RWDD1: variants seen among roughly 807,000 people sequenced by gnomAD.
RWDD1 encodes RWD domain-containing protein 1.
A neutral mutation model predicts 31.6 loss-of-function variants in RWDD1; 17 were observed. The observed-to-expected ratio is 0.54, with a 90% CI of 0.37 to 0.81. RWDD1 has a LOEUF of 0.81. RWDD1 is among the 30% of genes least tolerant of loss of function. The pLI is 0.00. For synonymous variants in RWDD1, 78 were observed against 94.2 expected (o/e 0.83, Z 0.99); for missense variants, 204 against 274.5 (o/e 0.74, Z 1.82).
chr6:116,591,776 A>G (rs1332089731), intron 6 of RWDD1, among the ~76,000 whole-genome samples: 1 of 152,228 alleles, frequency 6.6e-6, no homozygotes, highest in Non-Finnish European at 1.5e-5. Context: ...CTTTTGTTGT[A>G]TCTGTCTTGC....
rs145356364 is a variant in RWDD1, at chr6:116,573,231, A to T, written c.73+1576A>T. On this transcript the variant is annotated intron_variant, in intron 1 of 6. Coordinates refer to ENST00000466444, the MANE Select transcript of RWDD1 (RefSeq NM_015952.4). ...ATGCATATAAGCATTTATAAAACTGATATCTTTTTTTGTTTTTAACCCTGA... is the reference window on the plus strand; with the variant it reads ...ATGCATATAAGCATTTATAAAACTGTTATCTTTTTTTGTTTTTAACCCTGA... 2.2e-3 allele frequency among the ~76,000 whole-genome samples: 341 copies of T among 152,248 alleles called. 1 individual carries two copies. Among genetic ancestry groups the T allele is most frequent in the African/African-American group, 7.7e-3 (320 of 41,536 alleles).
At chr6:116,574,049 A>G (rs1774793157) in intron 1 of RWDD1, 1 of 944,972 alleles carries the variant, frequency 1.1e-6, no homozygotes, top group Admixed American at 6.2e-5. Context: ...CTTTTTGCCT[A>G]TTCTGTAGCT....
chr6:116,580,477 G>A (rs1321534), intron 2 of RWDD1, 117 bp downstream of exon 2: 444,709 of 562,928 alleles, frequency 0.79, 176,541 homozygotes, highest in African/African-American at 0.87. Context: ...TTACGAATCT[G>A]CTATGAATGT....
intron 6 of RWDD1, 48 bp from the exon 7 acceptor site, chr6:116,592,932 G>A: frequency 1.3e-6 from 2 of 1,581,060 alleles, no homozygotes; most frequent in Non-Finnish European, 1.7e-6. Context: ...CTATTTCTGA[G>A]TATAAGACTA....
chr6:116,591,796 A>C (rs1272089401), intron 6 of RWDD1, among the ~76,000 whole-genome samples: 2 of 152,258 alleles, frequency 1.3e-5, no homozygotes, highest in East Asian at 3.8e-4. Flanking sequence ...CCAGTTGGGA[A>C]TCCTTTAGCT....
intron 6 of RWDD1, among the ~76,000 whole-genome samples, chr6:116,591,542 A>G (rs965565257): frequency 6.6e-5 from 10 of 152,246 alleles, no homozygotes; most frequent in Non-Finnish European, 1.3e-4. Context: ...TGGAGCATCT[A>G]GTCCCTTGTG....
In RWDD1 at chr6:116,591,596, T is replaced by A. The variant is rs543553134; in HGVS notation, c.610+646T>A. 2.0e-5 allele frequency among the ~76,000 whole-genome samples: 3 copies of A among 152,372 alleles called. No homozygotes were observed. The South Asian group carries it at 6.2e-4, about 32-fold the overall frequency. On this transcript the variant is annotated intron_variant, in intron 6 of 6. Transcript: ENST00000466444. ...TACTCTTCCATCTATCCATCATCGATTCATTCAGAAATATTGATTGCACTG... is the reference window on the plus strand; with the variant it reads ...TACTCTTCCATCTATCCATCATCGAATCATTCAGAAATATTGATTGCACTG...
At chr6:116,587,098 GAT>G (rs1562379151) in intron 3 of RWDD1, among the ~76,000 whole-genome samples, 1 of 152,044 alleles carries the variant, frequency 6.6e-6, no homozygotes, top group East Asian at 1.9e-4. Context: ...ACTTTTATTG[GAT>G]ATGAAAGTTT....
chr6:116,580,277 G>T lies in RWDD1; in HGVS notation c.74-18G>T. 1 of 1,572,014 alleles carries T rather than the reference G, an allele frequency of 6.4e-7. No homozygotes were observed. On this transcript the variant is annotated intron_variant, in intron 1 of 6. Transcript: ENST00000466444. ...CTTAGAAAGCATTTCAATAACTTCT[G>T]TGTGTATTTTCTTGCAGTATTATCA... is the stretch of plus-strand genomic sequence containing the variant.
chr6:116,571,757 C>A, intron 1 of RWDD1, 102 bp downstream of exon 1: 2 of 988,942 alleles, frequency 2.0e-6, no homozygotes, highest in Non-Finnish European at 2.9e-6. Flanking sequence ...GAGAAGGGGA[C>A]CTTGAGGCCG....
rs138939615 is a variant in RWDD1, at chr6:116,580,402, C to G, written c.139+42C>G. On this transcript the variant is annotated intron_variant, in intron 2 of 6. Transcript: ENST00000466444. ...ATACTTGTGGTTTTTCTAAATTTCT[C>G]AGGAATTTCACTCATTCTGTAGGCA... 10 of 1,448,814 alleles carry G rather than the reference C, an allele frequency of 6.9e-6. No individual in the cohort carries two copies. In the African/African-American group the frequency reaches 1.3e-4, roughly 18 times the overall value. 89.7% of individuals were successfully genotyped at this position (1,448,814 alleles called of 1,614,324 possible).
Position 116,596,802 on chromosome 6 carries a change from T to C in RWDD1, c.*3701T>C, listed in dbSNP as rs1235331936. On this transcript the variant is annotated 3_prime_UTR_variant, in exon 7 of 7. Coordinates refer to ENST00000466444, the MANE Select transcript of RWDD1 (RefSeq NM_015952.4). ...TCATTCAATTAAGGTATTTGAGTGC[T>C]ACTATGCGCCAGCCTTTCTTTGTGA... The C allele has an allele frequency of 2.6e-5, 4 of 152,192 alleles. No homozygotes were observed. Among genetic ancestry groups the C allele is most frequent in the East Asian group, 1.9e-4 (1 of 5,200 alleles). The allele number at this position is 152,192 out of a possible 1,614,324, so 9.4% of individuals were successfully genotyped here. A position where few individuals can be genotyped will look rare whatever the true frequency, so the allele number is the denominator to read the frequency against.
rs1325293256 is a variant in RWDD1 at position 116,595,076 on chromosome 6, A to T, written c.*1975A>T. On this transcript the variant is annotated 3_prime_UTR_variant, in exon 7 of 7. Coordinates refer to ENST00000466444, the MANE Select transcript of RWDD1 (RefSeq NM_015952.4). ...TCCTATGTGAGATTTTGCTTTTCCC[A>T]TCTTTTTGAAGCTGATCAGCAGATA... 3.3e-5 allele frequency: 5 copies of T among 152,174 alleles called. No homozygotes were observed. In the East Asian group the frequency reaches 7.7e-4, roughly 23 times the overall value. The allele number at this position is 152,174 out of a possible 1,614,324, so 9.4% of individuals were successfully genotyped here. A position where few individuals can be genotyped will look rare whatever the true frequency, so the allele number is the denominator to read the frequency against.
In RWDD1 at chr6:116,590,262, A is replaced by G; in HGVS notation, c.415-10A>G. On this transcript the variant is annotated splice_polypyrimidine_tract_variant and intron_variant, in intron 4 of 6. Coordinates refer to ENST00000466444, the MANE Select transcript of RWDD1 (RefSeq NM_015952.4). Reference sequence around the variant, plus strand: ...ATTAATCTGGTGACTTTTTTTTTTTATTTCCTAAGCAATTATTCCATGGTA... The same window carrying G: ...ATTAATCTGGTGACTTTTTTTTTTTGTTTCCTAAGCAATTATTCCATGGTA... 7.0e-7 allele frequency: 1 copy of G among 1,432,002 alleles called. No individual in the cohort carries two copies. Among genetic ancestry groups the G allele is most frequent in the South Asian group, 1.4e-5 (1 of 70,698 alleles). The allele number at this position is 1,432,002 out of a possible 1,614,324, so 88.7% of individuals were successfully genotyped here. A position where few individuals can be genotyped will look rare whatever the true frequency, so the allele number is the denominator to read the frequency against.
rs946497329 is a variant in RWDD1, at chr6:116,596,769, T to A, written c.*3668T>A. 1.3e-5 allele frequency: 2 copies of A among 152,164 alleles called. No homozygotes were observed. The highest frequency in any genetic ancestry group is 2.9e-5 in the Non-Finnish European group (2 of 68,024). 9.4% of individuals were successfully genotyped at this position (152,164 alleles called of 1,614,324 possible). On this transcript the variant is annotated 3_prime_UTR_variant, in exon 7 of 7. Transcript: ENST00000466444. Reference sequence around the variant, plus strand: ...ATTGAGCCACTCTTTATCATTAAGGTGAAAAGTTCATTCAATTAAGGTATT... The same window carrying A: ...ATTGAGCCACTCTTTATCATTAAGGAGAAAAGTTCATTCAATTAAGGTATT...
chr6:116,589,897 C>T (rs565145316), intron 4 of RWDD1, among the ~76,000 whole-genome samples: 159 of 152,306 alleles, frequency 1.0e-3, no homozygotes, highest in Non-Finnish European at 2.0e-3. Flanking sequence ...CCCTGGGTCC[C>T]TCCTACAGCA....
chr6:116,571,701 G>A (rs1323794225), intron 1 of RWDD1, 46 bp downstream of exon 1: 1 of 1,566,176 alleles, frequency 6.4e-7, no homozygotes, highest in Admixed American at 1.7e-5. Flanking sequence ...AGGTGGAGTA[G>A]GACGGGCAGG....
intron 2 of RWDD1, among the ~76,000 whole-genome samples, chr6:116,580,673 C>T (rs1173357973): frequency 6.6e-6 from 1 of 152,038 alleles, no homozygotes; most frequent in African/African-American, 2.4e-5. Context: ...CACGTGCAAA[C>T]ATATTTCAGT....
chr6:116,583,828 T>A (rs1371957548), intron 2 of RWDD1, among the ~76,000 whole-genome samples: 1 of 152,208 alleles, frequency 6.6e-6, no homozygotes, highest in Non-Finnish European at 1.5e-5. Context: ...AATTTTTGGT[T>A]CATAAAATTC....
Sources: gnomAD v4.1 joint callset for allele counts (sites outside exome capture counted in the v4.1 genomes callset) on GRCh38, gnomAD v4.1.1 for gene constraint, MANE v1.5 for transcripts, NCBI Gene and HGNC (gene_info 2026-07-23, HGNC 2026-07-21) for gene names.